Variants in RPTOR observed in about 807,000 individuals in gnomAD.
RPTOR encodes regulatory-associated protein of mTOR.
Under a neutral mutation model 169.9 loss-of-function variants are expected in RPTOR, and 21 were observed. That is an observed-to-expected ratio of 0.12 (90% CI 0.09 to 0.18). RPTOR has a LOEUF of 0.18. Among genes scored for constraint, RPTOR ranks in the 10% least tolerant of loss-of-function variants. The probability of loss-of-function intolerance (pLI) is 1.00; values close to 1 mark genes in which losing one functional copy is unlikely to be tolerated. For synonymous variants in RPTOR, 732 were observed against 753.2 expected (o/e 0.97, Z 0.46); for missense variants, 1,133 against 1,855.9 (o/e 0.61, Z 7.16).
At chr17:80,834,564 G>A (rs1233827846) in intron 9 of RPTOR, among the ~76,000 whole-genome samples, 2 of 152,152 alleles carry the variant, frequency 1.3e-5, no homozygotes, top group African/African-American at 4.8e-5. Flanking sequence ...CCACCCCGGG[G>A]CTGGATCCAA....
At position 80,633,261 on chromosome 17, in the gene RPTOR, C is replaced by T. The variant is rs1039623060; in HGVS notation, c.265+7468C>T. Among the ~76,000 whole-genome samples the T allele has an allele frequency of 3.3e-5, 5 of 152,202 alleles. No homozygotes were observed. The highest frequency in any genetic ancestry group is 5.9e-5 in the Non-Finnish European group (4 of 68,050). On this transcript the variant is annotated intron_variant, in intron 2 of 33. Coordinates refer to ENST00000306801, the MANE Select transcript of RPTOR (RefSeq NM_020761.3). The surrounding 1 kb of genome is among the most constrained non-coding windows in gnomAD (Gnocchi z 4.1). ...GGGAGTTTCTCTTTCCAGATGACAA[C>T]GCAGTCACCAAAATCAAGGAGCATT...
rs181345374 is a variant in RPTOR at position 80,852,815 on chromosome 17, G to A, written c.1315-2649G>A. On this transcript the variant is annotated intron_variant, in intron 11 of 33. Coordinates refer to ENST00000306801, the MANE Select transcript of RPTOR (RefSeq NM_020761.3). ...ATGCTCCTGACTCGGTGGCTCCTCC[G>A]TGGAAGTCGTGCTGGCCGACCCCCA... Among the ~76,000 whole-genome samples, 358 of 151,892 alleles carry A rather than the reference G, an allele frequency of 2.4e-3. 1 individual carries two copies. The highest frequency in any genetic ancestry group is 5.9e-3 in the African/African-American group (245 of 41,396).
intron 4 of RPTOR, among the ~76,000 whole-genome samples, chr17:80,728,446 G>GGGGTGTGTGTGTGTGT (rs1555612016): frequency 2.7e-5 from 4 of 148,176 alleles, no homozygotes; most frequent in South Asian, 4.3e-4. Context: ...TCCACTCTGG[G>GGGGTGTGTGTGTGTGT]GTGTGTGTGT....
chr17:80,574,710 C>T (rs1367037197), intron 1 of RPTOR, among the ~76,000 whole-genome samples: 1 of 151,952 alleles, frequency 6.6e-6, no homozygotes, highest in Non-Finnish European at 1.5e-5. Flanking sequence ...GGCTGGAGTG[C>T]AGTGGTGCGA....
chr17:80,777,045 C>A (rs772072634), intron 6 of RPTOR, among the ~76,000 whole-genome samples: 69 of 152,204 alleles, frequency 4.5e-4, no homozygotes, highest in Non-Finnish European at 8.1e-4. Flanking sequence ...TCAAGACCAT[C>A]CTGACCAACA....
At chr17:80,624,691 G>A (rs1371901468) in intron 1 of RPTOR, among the ~76,000 whole-genome samples, 1 of 152,170 alleles carries the variant, frequency 6.6e-6, no homozygotes, top group Non-Finnish European at 1.5e-5. Context: ...AGTTTTATGA[G>A]AAAAAATTAA....
At chr17:80,662,526 T>C (rs2065732602) in intron 3 of RPTOR, among the ~76,000 whole-genome samples, 1 of 149,476 alleles carries the variant, frequency 6.7e-6, no homozygotes, top group Admixed American at 6.7e-5. Context: ...TCTTCTGCAC[T>C]GAGTCTGCCT....
chr17:80,853,079 C>G (rs187983740), intron 11 of RPTOR, among the ~76,000 whole-genome samples: 1 of 152,328 alleles, frequency 6.6e-6, no homozygotes, highest in East Asian at 1.9e-4. Context: ...CCACTCGCCT[C>G]CCCGACTTCC....
intron 3 of RPTOR, among the ~76,000 whole-genome samples, chr17:80,650,124 T>C (rs1335758210): frequency 6.6e-6 from 1 of 152,216 alleles, no homozygotes; most frequent in Non-Finnish European, 1.5e-5. Context: ...AAAGGCATGG[T>C]TCTGCAGCCT....
Position 80,838,004 on chromosome 17 carries a change from C to T in RPTOR, c.1212+7C>T, listed in dbSNP as rs776577395. ...GGAAGGCACTGCGTTTCGGGTGAGT[C>T]CCTCCAAGGGCACCCTGTGCATCCG... On this transcript the variant is annotated splice_region_variant and intron_variant, in intron 10 of 33. Coordinates refer to ENST00000306801, the MANE Select transcript of RPTOR (RefSeq NM_020761.3). 2 of 1,605,252 alleles carry T rather than the reference C, an allele frequency of 1.2e-6. No individual in the cohort carries two copies. The highest frequency in any genetic ancestry group is 1.7e-6 in the Non-Finnish European group (2 of 1,175,582).
At chr17:80,816,211 C>T (rs553133430) in intron 7 of RPTOR, among the ~76,000 whole-genome samples, 2 of 152,344 alleles carry the variant, frequency 1.3e-5, no homozygotes, top group South Asian at 2.1e-4. Flanking sequence ...GCCTGTGTAG[C>T]GTGAGCCAGG....
intron 2 of RPTOR, among the ~76,000 whole-genome samples, chr17:80,636,545 A>G (rs7501740): frequency 0.75 from 113,841 of 151,962 alleles, 43,599 homozygotes; most frequent in African/African-American, 0.89. Context: ...GGGACAGAAA[A>G]GCAGAAGTGT....
At chr17:80,616,480 G>A (rs1315792094) in intron 1 of RPTOR, among the ~76,000 whole-genome samples, 1 of 152,022 alleles carries the variant, frequency 6.6e-6, no homozygotes, top group African/African-American at 2.4e-5. Flanking sequence ...TGTGTTTTTA[G>A]TAGAGATGGG....
chr17:80,665,403 C>G (rs1244787269), intron 3 of RPTOR, among the ~76,000 whole-genome samples: 2 of 7,770 alleles, frequency 2.6e-4, no homozygotes, highest in South Asian at 7.2e-3. Flanking sequence ...CTTTCCTTTC[C>G]TTTCCTTTCC....
chr17:80,627,183 G>C (rs1019655557), intron 2 of RPTOR, among the ~76,000 whole-genome samples: 2 of 152,112 alleles, frequency 1.3e-5, no homozygotes, highest in South Asian at 2.1e-4. Context: ...CCACGCCCAG[G>C]CAATTTTTGT....
chr17:80,930,463 C>CTCATCTCAGA (rs2068881621), intron 24 of RPTOR, among the ~76,000 whole-genome samples: 1 of 138,896 alleles, frequency 7.2e-6, no homozygotes, highest in Non-Finnish European at 1.6e-5. Context: ...TCATCCCCAG[C>CTCATCTCAGA]TCATCCCCAG....
intron 13 of RPTOR, among the ~76,000 whole-genome samples, chr17:80,869,293 A>G (rs971334834): frequency 6.6e-6 from 1 of 152,052 alleles, no homozygotes; most frequent in African/African-American, 2.4e-5. Flanking sequence ...CCGAGTAGCT[A>G]GGACTACAGA....
At chr17:80,639,001 C>T (rs974562265) in intron 2 of RPTOR, among the ~76,000 whole-genome samples, 22 of 152,158 alleles carry the variant, frequency 1.4e-4, no homozygotes, top group Non-Finnish European at 2.9e-5. Context: ...CAGATGCCTG[C>T]AGCTGTGTGG....
At chr17:80,640,842 T>A (rs1599627631) in intron 2 of RPTOR, among the ~76,000 whole-genome samples, 1 of 152,282 alleles carries the variant, frequency 6.6e-6, no homozygotes, top group South Asian at 2.1e-4. Context: ...AGAGCATGCA[T>A]AGTGTGAGCC....
Sources: gnomAD v4.1 joint callset for allele counts (sites outside exome capture counted in the v4.1 genomes callset) on GRCh38, gnomAD v4.1.1 for gene constraint, Gnocchi (gnomAD v3.1) non-coding constraint, MANE v1.5 for transcripts, NCBI Gene and HGNC (gene_info 2026-07-23, HGNC 2026-07-21) for gene names.